The following ZNF521 variants were observed in gnomAD, a reference collection of about 807,000 sequenced individuals.
ZNF521 encodes the protein zinc finger protein 521.
Under a neutral mutation model 105.5 loss-of-function variants are expected in ZNF521, and 14 were observed. The observed-to-expected ratio is 0.13, with a 90% confidence interval of 0.09 to 0.21. The LOEUF (loss-of-function observed/expected upper bound fraction) is 0.21. ZNF521 is among the 10% of genes least tolerant of loss of function. The pLI is 1.00. For missense variants in ZNF521, 1,233 were observed against 1,629.7 expected (o/e 0.76, Z 4.19); for synonymous variants, 635 against 606.0 (o/e 1.05, Z -0.70).
intron 5 of ZNF521, among the ~76,000 whole-genome samples, chr18:25,186,613 C>T (rs994790375): frequency 9.2e-5 from 14 of 152,082 alleles, no homozygotes; most frequent in African/African-American, 2.9e-4. Context: ...AGTTCAGTGG[C>T]CTCTGTTTAA....
chr18:25,254,703 C>A (rs1426491391), intron 3 of ZNF521, among the ~76,000 whole-genome samples: 1 of 151,976 alleles, frequency 6.6e-6, no homozygotes, highest in African/African-American at 2.4e-5. Flanking sequence ...TGGGAGTAGC[C>A]CACTGTAAAA....
chr18:25,342,415 T>TTTTTG (rs1555667614), intron 2 of ZNF521, among the ~76,000 whole-genome samples: 2,413 of 81,702 alleles, frequency 0.03, 54 homozygotes, highest in African/African-American at 0.098. Flanking sequence ...TTTGTTTTTT[T>TTTTTG]TTTGTTTGTT....
chr18:25,081,964 T>C (rs553713650), intron 7 of ZNF521, among the ~76,000 whole-genome samples: 1 of 152,200 alleles, frequency 6.6e-6, no homozygotes, highest in African/African-American at 2.4e-5. Flanking sequence ...CTGATTGAAT[T>C]ATCCAATATT....
rs2032976908 is a variant in ZNF521 at position 25,063,794 on chromosome 18, G to A, written c.3907-1053C>T. Among the ~76,000 whole-genome samples the A allele has an allele frequency of 2.0e-5, 3 of 152,166 alleles. No individual in the cohort carries two copies. The South Asian group carries it at 6.2e-4, about 32-fold the overall frequency. On this transcript the variant is annotated intron_variant, in intron 7 of 7. Transcript: ENST00000361524. ...CTCCTCTGTGCTTTCCTGGAGCCAT[G>A]TTCTCTCACTACTCACTTGTATCCC...
intron 2 of ZNF521, among the ~76,000 whole-genome samples, chr18:25,350,220 A>G (rs1280484042): frequency 6.6e-6 from 1 of 152,130 alleles, no homozygotes; most frequent in Non-Finnish European, 1.5e-5. Context: ...CCACCGCGAA[A>G]CGCAAAGGAC....
intron 5 of ZNF521, among the ~76,000 whole-genome samples, chr18:25,106,115 T>G (rs978995078): frequency 1.2e-4 from 18 of 152,190 alleles, no homozygotes; most frequent in African/African-American, 4.3e-4. Flanking sequence ...ATTTCAATTT[T>G]GCTCTTATGG....
chr18:25,281,064 T>G (rs1212876051), intron 3 of ZNF521, among the ~76,000 whole-genome samples: 1 of 152,164 alleles, frequency 6.6e-6, no homozygotes, highest in African/African-American at 2.4e-5. Context: ...TTCTCTTACA[T>G]CCTATCAACA....
intron 4 of ZNF521, among the ~76,000 whole-genome samples, chr18:25,211,617 C>T (rs1160468608): frequency 3.3e-5 from 5 of 152,148 alleles, no homozygotes; most frequent in Admixed American, 1.3e-4. Context: ...CTGTTTCTTA[C>T]ATAGTTTTGG....
At chr18:25,123,996 T>C (rs2034492146) in intron 5 of ZNF521, among the ~76,000 whole-genome samples, 1 of 152,180 alleles carries the variant, frequency 6.6e-6, no homozygotes, top group African/African-American at 2.4e-5. Flanking sequence ...GAGATATACT[T>C]GCGGGACTGG....
chr18:25,100,719 G>T (rs1231280555), intron 5 of ZNF521, among the ~76,000 whole-genome samples: 1 of 151,826 alleles, frequency 6.6e-6, no homozygotes, highest in Non-Finnish European at 1.5e-5. Context: ...AACGCAATAA[G>T]ATTTCTAAAA....
intron 3 of ZNF521, among the ~76,000 whole-genome samples, chr18:25,231,287 C>A (rs568252613): frequency 6.6e-6 from 1 of 152,250 alleles, no homozygotes; most frequent in Admixed American, 6.5e-5. Context: ...CTCTAGTCTG[C>A]CTAAAAGGAC....
At chr18:25,197,524 G>A (rs1021298672) in intron 4 of ZNF521, among the ~76,000 whole-genome samples, 3 of 151,790 alleles carry the variant, frequency 2.0e-5, no homozygotes, top group Admixed American at 6.6e-5. Context: ...AAATATTTGA[G>A]AGATCCCTGC....
chr18:25,235,799 A>G (rs1233961146), intron 3 of ZNF521, among the ~76,000 whole-genome samples: 2 of 152,254 alleles, frequency 1.3e-5, no homozygotes, highest in African/African-American at 4.8e-5. Context: ...TAGAGAATAC[A>G]AAAGTGCTGA....
chr18:25,133,566 G>A (rs1825868248), intron 5 of ZNF521, among the ~76,000 whole-genome samples: 1 of 152,086 alleles, frequency 6.6e-6, no homozygotes, highest in African/African-American at 2.4e-5. Context: ...TATGATACAA[G>A]TAATAAATTC....
intron 7 of ZNF521, among the ~76,000 whole-genome samples, chr18:25,065,846 T>C (rs1873719978): frequency 6.6e-6 from 1 of 152,172 alleles, no homozygotes; most frequent in Non-Finnish European, 1.5e-5. Context: ...TATGCTTTCA[T>C]CCTCAATCAA....
chr18:25,306,933 A>T (rs777276491), intron 3 of ZNF521, among the ~76,000 whole-genome samples: 9 of 152,152 alleles, frequency 5.9e-5, no homozygotes, highest in Non-Finnish European at 1.0e-4. Flanking sequence ...GCTTTAAACA[A>T]TTCTACCCAG....
At chr18:25,158,410 T>G (rs956421870) in intron 5 of ZNF521, among the ~76,000 whole-genome samples, 2 of 152,104 alleles carry the variant, frequency 1.3e-5, no homozygotes, top group Non-Finnish European at 2.9e-5. Flanking sequence ...TAATTTAAAT[T>G]TTAATTAATT....
intron 3 of ZNF521, among the ~76,000 whole-genome samples, chr18:25,263,171 A>G (rs1471371216): frequency 6.6e-6 from 1 of 152,186 alleles, no homozygotes; most frequent in East Asian, 1.9e-4. Flanking sequence ...TAGCCCCAGG[A>G]CAAAAGTTTA....
intron 3 of ZNF521, among the ~76,000 whole-genome samples, chr18:25,247,760 A>C (rs542228315): frequency 6.6e-6 from 1 of 152,162 alleles, no homozygotes; most frequent in East Asian, 1.9e-4. Flanking sequence ...TTGGAGTAGG[A>C]GGGACTGGAT....
Sources: gnomAD v4.1 joint callset for allele counts (sites outside exome capture counted in the v4.1 genomes callset) on GRCh38, gnomAD v4.1.1 for gene constraint, MANE v1.5 for transcripts, NCBI Gene and HGNC (gene_info 2026-07-23, HGNC 2026-07-21) for gene names.